The following CSMD1 variants were observed in gnomAD, a reference collection of about 807,000 sequenced individuals.
CSMD1 encodes the protein CUB and sushi domain-containing protein 1.
CSMD1 carries 213 observed loss-of-function variants against 417.5 expected under a neutral mutation model. The observed-to-expected ratio is 0.51, with a 90% CI of 0.46 to 0.57. The LOEUF is 0.57. CSMD1 is among the 20% of genes least tolerant of loss of function. The probability of loss-of-function intolerance (pLI) is 0.00; values close to 1 mark genes in which losing one functional copy is unlikely to be tolerated. For missense variants in CSMD1, 6,923 were observed against 4,529.7 expected (o/e 1.53, Z -15.17); for synonymous variants, 2,862 against 1,736.8 (o/e 1.65, Z -16.11).
chr8:4,022,538 C>A (rs767264370), intron 4 of CSMD1, among the ~76,000 whole-genome samples: 3 of 152,130 alleles, frequency 2.0e-5, no homozygotes, highest in Non-Finnish European at 2.9e-5. Flanking sequence ...AACTGAGGCA[C>A]AAGAAGGTGT....
intron 5 of CSMD1, among the ~76,000 whole-genome samples, chr8:3,799,887 G>A (rs760707436): frequency 6.6e-5 from 10 of 152,070 alleles, no homozygotes; most frequent in Non-Finnish European, 1.2e-4. Context: ...TTGCTGACTT[G>A]CTATATAATT....
At chr8:3,962,331 C>T (rs1308575989) in intron 5 of CSMD1, among the ~76,000 whole-genome samples, 1 of 151,964 alleles carries the variant, frequency 6.6e-6, no homozygotes, top group Non-Finnish European at 1.5e-5. Flanking sequence ...ACAGATTATG[C>T]AGGATTAAGA....
At chr8:4,129,268 T>C (rs953966328) in intron 3 of CSMD1, among the ~76,000 whole-genome samples, 1 of 152,110 alleles carries the variant, frequency 6.6e-6, no homozygotes, top group African/African-American at 2.4e-5. Flanking sequence ...AGCCTTCAGA[T>C]CTGCTGTCAA....
rs193275151 is a variant in CSMD1, at chr8:3,497,953, G to A, written c.1345-4227C>T. ...TCACCCTTTCACTTTCAGATGAAGGGCTCCCATAAGCATTTCTTGTAGGAC... is the reference window on the plus strand; with the variant it reads ...TCACCCTTTCACTTTCAGATGAAGGACTCCCATAAGCATTTCTTGTAGGAC... On this transcript the variant is annotated intron_variant, in intron 10 of 69. Transcript: ENST00000635120. 2.2e-3 allele frequency among the ~76,000 whole-genome samples: 328 copies of A among 152,214 alleles called. 3 individuals are homozygous for A. Among genetic ancestry groups the A allele is most frequent in the Non-Finnish European group, 2.2e-3 (153 of 68,024 alleles).
At chr8:3,317,932 T>G (rs1249863254) in intron 23 of CSMD1, among the ~76,000 whole-genome samples, 1 of 152,162 alleles carries the variant, frequency 6.6e-6, no homozygotes, top group East Asian at 1.9e-4. Flanking sequence ...CACCTTAGCC[T>G]ATTGAGTAGC....
At chr8:4,520,960 T>C (rs1177785626) in intron 2 of CSMD1, among the ~76,000 whole-genome samples, 3 of 152,202 alleles carry the variant, frequency 2.0e-5, no homozygotes, top group Non-Finnish European at 2.9e-5. Flanking sequence ...TTTTTAAATC[T>C]GCTGCTCATT....
intron 1 of CSMD1, among the ~76,000 whole-genome samples, chr8:4,936,364 G>A (rs1003415777): frequency 2.0e-5 from 3 of 152,120 alleles, no homozygotes; most frequent in African/African-American, 7.2e-5. Context: ...CCTGGTTAAG[G>A]TTTTTAGAGT....
intron 10 of CSMD1, among the ~76,000 whole-genome samples, chr8:3,559,968 G>T (rs1389841535): frequency 4.6e-5 from 7 of 152,160 alleles, no homozygotes; most frequent in Admixed American, 3.3e-4. Flanking sequence ...CGTGCGGAAT[G>T]AAGGTGGGTT....
chr8:4,181,085 T>G (rs751454948), intron 3 of CSMD1, among the ~76,000 whole-genome samples: 1 of 152,286 alleles, frequency 6.6e-6, no homozygotes, highest in Non-Finnish European at 1.5e-5. Context: ...AACAGACCTA[T>G]TGAACATTCC....
chr8:4,107,316 T>A (rs185718349), intron 3 of CSMD1, among the ~76,000 whole-genome samples: 11 of 152,146 alleles, frequency 7.2e-5, no homozygotes, highest in Non-Finnish European at 1.5e-4. Context: ...CTTCCTGAAA[T>A]AGAGAGGATT....
At chr8:3,290,690 T>C (rs1410038777) in intron 25 of CSMD1, among the ~76,000 whole-genome samples, 2 of 147,476 alleles carry the variant, frequency 1.4e-5, no homozygotes, top group Non-Finnish European at 2.9e-5. Context: ...CCTGAGACTT[T>C]GCTGAAGTTG....
chr8:4,028,397 T>A (rs553580351), intron 4 of CSMD1, among the ~76,000 whole-genome samples: 1 of 152,224 alleles, frequency 6.6e-6, no homozygotes, highest in East Asian at 1.9e-4. Context: ...GGACAATACA[T>A]ACTAGCTTGT....
At chr8:4,608,196 C>A (rs988890476) in intron 2 of CSMD1, among the ~76,000 whole-genome samples, 1 of 152,146 alleles carries the variant, frequency 6.6e-6, no homozygotes, top group African/African-American at 2.4e-5. Flanking sequence ...AGTTTGACTT[C>A]TACTCCAAAG....
intron 57 of CSMD1, among the ~76,000 whole-genome samples, chr8:2,969,443 A>C (rs1295732965): frequency 1.8e-4 from 27 of 152,200 alleles, no homozygotes; most frequent in Admixed American, 1.8e-3. Context: ...ACAAAAGCAA[A>C]TTTGATTTAA....
intron 1 of CSMD1, among the ~76,000 whole-genome samples, chr8:4,906,771 G>T (rs1024034448): frequency 6.6e-6 from 1 of 152,122 alleles, no homozygotes; most frequent in African/African-American, 2.4e-5. Flanking sequence ...TGCTGGCCAG[G>T]TTGGTCTCCA....
chr8:3,578,866 A>G (rs1800262530), intron 9 of CSMD1, among the ~76,000 whole-genome samples: 1 of 152,238 alleles, frequency 6.6e-6, no homozygotes, highest in Admixed American at 6.5e-5. Context: ...AAGTAACTAC[A>G]GTATACCAGT....
chr8:3,903,545 G>C (rs543926502), intron 5 of CSMD1, among the ~76,000 whole-genome samples: 3 of 152,246 alleles, frequency 2.0e-5, no homozygotes, highest in African/African-American at 7.2e-5. Context: ...ATTTTGTCCT[G>C]TTTCTGAATT....
chr8:4,569,546 G>A (rs1037889463), intron 2 of CSMD1, among the ~76,000 whole-genome samples: 4 of 152,124 alleles, frequency 2.6e-5, no homozygotes, highest in Non-Finnish European at 4.4e-5. Context: ...AGTTACTCTT[G>A]TCTTGTAATA....
At chr8:4,539,653 A>T (rs1162282028) in intron 2 of CSMD1, among the ~76,000 whole-genome samples, 1 of 152,216 alleles carries the variant, frequency 6.6e-6, no homozygotes, top group African/African-American at 2.4e-5. Flanking sequence ...TAAATGGTAA[A>T]ATAACTGAGA....
Sources: gnomAD v4.1 joint callset for allele counts (sites outside exome capture counted in the v4.1 genomes callset) on GRCh38, gnomAD v4.1.1 for gene constraint, MANE v1.5 for transcripts, NCBI Gene and HGNC (gene_info 2026-07-23, HGNC 2026-07-21) for gene names.